Variants in RSF1 observed in about 807,000 individuals in gnomAD.
The protein encoded by RSF1 is HBV pX-associated protein 8.
A neutral mutation model predicts 145.2 loss-of-function variants in RSF1; 13 were observed. The observed-to-expected ratio is 0.09, with a 90% CI of 0.06 to 0.14. RSF1 has a LOEUF of 0.14. Ranked by LOEUF, RSF1 falls within the 10% of genes least tolerant of loss-of-function variation. The pLI is 1.00. For synonymous variants in RSF1, 577 were observed against 592.6 expected, an observed-to-expected ratio of 0.97 and a Z score of 0.38; for missense variants, 1,517 against 1,718.2, an observed-to-expected ratio of 0.88 and a Z score of 2.07.
the RSF1 span, among the ~76,000 whole-genome samples, chr11:77,859,417 G>A: frequency 9.2e-5 from 14 of 152,156 alleles, no homozygotes; most frequent in African/African-American, 3.4e-4. Context: ...GCTTCCTGAT[G>A]TTTGATAGGT....
chr11:77,842,494 C>CTTA, the RSF1 span: 5 of 1,613,184 alleles, frequency 3.1e-6, no homozygotes, highest in East Asian at 1.1e-4. Flanking sequence ...AGTGAAGTTC[C>CTTA]TTATGACTTC....
Position 77,701,279 on chromosome 11 carries a change from G to A in RSF1, c.1950C>T (p.Cys650=), listed in dbSNP as rs766951781. Residue 650 remains cysteine, a synonymous_variant, in exon 6 of 16, where the codon TGC becomes TGT. Transcript: ENST00000308488. ...GGCCACCAACAGTACTTGTACTCTG[G>A]CATTCTACCACTTCTTTTTCTGAGG... ...KLASEKEVVE[C]QSTSTVGGQS... 1 of 1,614,014 alleles carries A rather than the reference G, an allele frequency of 6.2e-7. No homozygotes were observed. The highest frequency in any genetic ancestry group is 1.7e-5 in the Admixed American group (1 of 60,000).
At chr11:77,840,126 C>T in the RSF1 span, among the ~76,000 whole-genome samples, 25 of 151,946 alleles carry the variant, frequency 1.6e-4, no homozygotes, top group South Asian at 5.2e-3. Context: ...ACACAACACC[C>T]AGGGATTTGA....
chr11:77,778,328 C>A (rs973186946), intron 1 of RSF1, among the ~76,000 whole-genome samples: 5 of 151,084 alleles, frequency 3.3e-5, no homozygotes, highest in South Asian at 4.2e-4. Flanking sequence ...ATGTTCCTAG[C>A]GGTGTTTTAC....
In RSF1 at chr11:77,747,126, T is replaced by A. The variant is rs1457117382; in HGVS notation, c.282A>T (p.Ile94=). Reference sequence around the variant, plus strand: ...CCCAGGTACTGTTAAACTCTTGGCATATCTGTCAGATAAAGTTAATATCTT... The same window carrying A: ...CCCAGGTACTGTTAAACTCTTGGCAAATCTGTCAGATAAAGTTAATATCTT... ...ADRWEKYLIK[I]CQEFNSTWAW... Residue 94 remains isoleucine, a splice_region_variant and synonymous_variant, in exon 3 of 16, where the codon ATA becomes ATT. Coordinates refer to ENST00000308488, the MANE Select transcript of RSF1 (RefSeq NM_016578.4). The A allele has an allele frequency of 6.2e-7, 1 of 1,601,082 alleles. No individual in the cohort carries two copies. The highest frequency in any genetic ancestry group is 1.7e-5 in the Admixed American group (1 of 59,634).
chr11:77,675,261 C>T lies in RSF1; in HGVS notation c.3342-5G>A, dbSNP rs753611133. On this transcript the variant is annotated splice_region_variant and splice_polypyrimidine_tract_variant and intron_variant, in intron 13 of 15. Transcript: ENST00000308488. ...ACAACAAACTCATCTTGAGATCTGT[C>T]CAAGAGAAATCAGATAAAATACAAT... 2.2e-5 allele frequency: 35 copies of T among 1,601,820 alleles called. No individual in the cohort carries two copies. The highest frequency in any genetic ancestry group is 3.0e-5 in the Non-Finnish European group (35 of 1,175,526).
chr11:77,831,381 A>T, the RSF1 span, among the ~76,000 whole-genome samples: 8 of 152,284 alleles, frequency 5.3e-5, no homozygotes, highest in South Asian at 2.1e-4. Flanking sequence ...CCATGAAAAA[A>T]TTTTTACATA....
chr11:77,729,490 A>T (rs901841252), intron 4 of RSF1, among the ~76,000 whole-genome samples: 1 of 151,546 alleles, frequency 6.6e-6, no homozygotes, highest in Non-Finnish European at 1.5e-5. Context: ...CCAGCCTAGG[A>T]GTTGTTCAGA....
chr11:77,825,172 C>T (rs1011986409), upstream of RSF1, among the ~76,000 whole-genome samples: 2 of 151,848 alleles, frequency 1.3e-5, no homozygotes, highest in Admixed American at 6.6e-5. Context: ...TTGGTAGAGA[C>T]GGGGTTTCAC....
intron 1 of RSF1, among the ~76,000 whole-genome samples, chr11:77,791,921 AC>A (rs1948521451): frequency 6.6e-6 from 1 of 152,134 alleles, no homozygotes; most frequent in African/African-American, 2.4e-5. Flanking sequence ...TCTGCCTGTT[AC>A]CCAGTTCCAA....
At chr11:77,834,655 T>A in the RSF1 span, among the ~76,000 whole-genome samples, 1 of 152,124 alleles carries the variant, frequency 6.6e-6, no homozygotes. Flanking sequence ...CCTCAGGTGA[T>A]CCATCCACCT....
chr11:77,743,479 T>C (rs1947964324), intron 3 of RSF1, among the ~76,000 whole-genome samples: 1 of 152,256 alleles, frequency 6.6e-6, no homozygotes, highest in Non-Finnish European at 1.5e-5. Context: ...TTTTTGATGC[T>C]ATTGTAATGA....
intron 4 of RSF1, among the ~76,000 whole-genome samples, chr11:77,736,081 C>A (rs560490871): frequency 6.6e-6 from 1 of 152,300 alleles, no homozygotes; most frequent in South Asian, 2.1e-4. Context: ...AAGATTACTG[C>A]CTCTTACAAA....
intron 2 of RSF1, chr11:77,762,388 T>C (rs949002581): frequency 1.3e-5 from 2 of 152,252 alleles, no homozygotes; most frequent in African/African-American, 4.8e-5. Flanking sequence ...ACCTTCCAAA[T>C]AGCTCTTACA....
At chr11:77,848,061 A>C in the RSF1 span, among the ~76,000 whole-genome samples, 2 of 152,332 alleles carry the variant, frequency 1.3e-5, no homozygotes, top group East Asian at 3.9e-4. Context: ...TACCGAGTCC[A>C]CCAATTTAAA....
At chr11:77,801,864 T>TA (rs959122615) in intron 1 of RSF1, among the ~76,000 whole-genome samples, 21 of 150,364 alleles carry the variant, frequency 1.4e-4, no homozygotes, top group East Asian at 3.9e-4. Flanking sequence ...AAACCTCCAT[T>TA]AAAAAAAAAT....
At chr11:77,844,102 CT>C in the RSF1 span, among the ~76,000 whole-genome samples, 1 of 152,092 alleles carries the variant, frequency 6.6e-6, no homozygotes, top group Non-Finnish European at 1.5e-5. Flanking sequence ...CACAGCCAAA[CT>C]GTATCAGCCC....
chr11:77,850,884 T>A, the RSF1 span: 1 of 151,750 alleles, frequency 6.6e-6, no homozygotes, highest in Non-Finnish European at 1.5e-5. Context: ...CCTAAGGACA[T>A]GAATATTCTC....
At chr11:77,790,591 T>C (rs1408155187) in intron 1 of RSF1, among the ~76,000 whole-genome samples, 1 of 152,152 alleles carries the variant, frequency 6.6e-6, no homozygotes, top group Non-Finnish European at 1.5e-5. Context: ...ACAAGGCAAG[T>C]CCCTTCTGCC....
Sources: gnomAD v4.1 joint callset for allele counts (sites outside exome capture counted in the v4.1 genomes callset) on GRCh38, gnomAD v4.1.1 for gene constraint, MANE v1.5 for transcripts, NCBI Gene and HGNC (gene_info 2026-07-23, HGNC 2026-07-21) for gene names.